The following KIF13B variants were observed in gnomAD, a reference collection of about 807,000 sequenced individuals.
The protein encoded by KIF13B is kinesin-like protein KIF13B.
KIF13B carries 127 observed loss-of-function variants against 222.0 expected under a neutral mutation model. The observed-to-expected ratio is 0.57, with a 90% CI of 0.50 to 0.66. The LOEUF is 0.66. KIF13B is among the 30% of genes least tolerant of loss of function. The probability of loss-of-function intolerance (pLI) is 0.00; values close to 1 mark genes in which losing one functional copy is unlikely to be tolerated. For synonymous variants in KIF13B, 976 were observed against 919.0 expected, an observed-to-expected ratio of 1.06 and a Z score of -1.12; for missense variants, 2,173 against 2,379.0, an observed-to-expected ratio of 0.91 and a Z score of 1.80.
intron 4 of KIF13B, chr8:29,189,877 A>C (rs1337454510): frequency 2.0e-5 from 3 of 152,246 alleles, no homozygotes; most frequent in African/African-American, 7.2e-5. Context: ...TAATTTCATC[A>C]ACGTATACCA....
intron 2 of KIF13B, among the ~76,000 whole-genome samples, chr8:29,198,189 AAAT>A (rs1382558547): frequency 6.6e-6 from 1 of 152,256 alleles, no homozygotes; most frequent in Non-Finnish European, 1.5e-5. Context: ...ACATAAAAGA[AAAT>A]AATTTCTCTG....
At chr8:29,175,731 T>C (rs1812447830) in intron 10 of KIF13B, among the ~76,000 whole-genome samples, 1 of 152,314 alleles carries the variant, frequency 6.6e-6, no homozygotes, top group South Asian at 2.1e-4. Flanking sequence ...CAGCTGAGTG[T>C]GAGGCCAGCG....
At chr8:29,174,071 A>T (rs1305147634) in intron 10 of KIF13B, among the ~76,000 whole-genome samples, 1 of 152,202 alleles carries the variant, frequency 6.6e-6, no homozygotes, top group Non-Finnish European at 1.5e-5. Context: ...CTACATTCAA[A>T]CAAATGAACG....
rs184743400 is a variant in KIF13B at position 29,184,180 on chromosome 8, A to G, written c.497+2112T>C. On this transcript the variant is annotated intron_variant, in intron 6 of 39. Coordinates refer to ENST00000524189, the MANE Select transcript of KIF13B (RefSeq NM_015254.4). ...TCTATTATCTCCTGAGTAAAACAAC[A>G]TAATTACATTACTATATACTAGATG... 1.4e-3 allele frequency among the ~76,000 whole-genome samples: 218 copies of G among 152,178 alleles called. 2 individuals carry two copies. Among genetic ancestry groups the G allele is most frequent in the African/African-American group, 4.7e-3 (197 of 41,522 alleles).
intron 2 of KIF13B, among the ~76,000 whole-genome samples, chr8:29,215,763 A>G (rs1340239923): frequency 1.3e-5 from 2 of 152,242 alleles, no homozygotes; most frequent in African/African-American, 4.8e-5. Context: ...AGCAACGGGA[A>G]TCTTTGAATG....
At chr8:29,209,030 T>C (rs577554463) in intron 2 of KIF13B, among the ~76,000 whole-genome samples, 1 of 152,326 alleles carries the variant, frequency 6.6e-6, no homozygotes, top group African/African-American at 2.4e-5. Flanking sequence ...TTAGTTTATT[T>C]CCATAGGCTG....
chr8:29,165,862 G>A (rs1166501692), intron 11 of KIF13B, 90 bp from the exon 12 acceptor site: 2 of 777,562 alleles, frequency 2.6e-6, no homozygotes, highest in African/African-American at 1.9e-5. Context: ...GTAACAATCT[G>A]CCTCCTCATG....
intron 5 of KIF13B, 149 bp from the exon 6 acceptor site, chr8:29,186,621 C>T: frequency 3.3e-6 from 2 of 604,198 alleles, no homozygotes; most frequent in Non-Finnish European, 5.6e-6. Context: ...AGTACAGAAG[C>T]TTTTTTACTG....
chr8:29,246,618 T>A (rs1265127589), intron 1 of KIF13B, among the ~76,000 whole-genome samples: 1 of 152,038 alleles, frequency 6.6e-6, no homozygotes, highest in Admixed American at 6.5e-5. Flanking sequence ...TGACAATACA[T>A]ACAGAAATGC....
In KIF13B at chr8:29,072,416, G is replaced by A. The variant is rs572636584; in HGVS notation, c.4522-100C>T. On this transcript the variant is annotated intron_variant, in intron 38 of 39. Transcript: ENST00000524189. ...GGAAAAGAGCATGAGGCCAGGGGCAGTGGCTCAGCCTGTAACCCCAGTGCT... is the reference window on the plus strand; with the variant it reads ...GGAAAAGAGCATGAGGCCAGGGGCAATGGCTCAGCCTGTAACCCCAGTGCT... 250 of 762,024 alleles carry A rather than the reference G, an allele frequency of 3.3e-4. 6 individuals are homozygous for A. The South Asian group carries it at 8.9e-3, about 27-fold the overall frequency. The allele number at this position is 762,024 out of a possible 1,614,324, so 47.2% of individuals were successfully genotyped here.
chr8:29,127,319 A>T, intron 24 of KIF13B, 51 bp from the exon 25 acceptor site: 1 of 1,567,806 alleles, frequency 6.4e-7, no homozygotes, highest in Middle Eastern at 1.7e-4. Context: ...GATTTCCAAA[A>T]ATTTGATTTA....
At chr8:29,152,197 T>C (rs1295742417) in intron 14 of KIF13B, among the ~76,000 whole-genome samples, 1 of 152,202 alleles carries the variant, frequency 6.6e-6, no homozygotes, top group Non-Finnish European at 1.5e-5. Flanking sequence ...AGTTGATTCT[T>C]ATGAATAAGC....
intron 21 of KIF13B, among the ~76,000 whole-genome samples, chr8:29,136,801 T>G (rs995741870): frequency 1.4e-5 from 2 of 144,172 alleles, no homozygotes; most frequent in Non-Finnish European, 1.5e-5. Flanking sequence ...ACAGGTTTTT[T>G]TTTTTTTTTT....
chr8:29,158,206 T>C (rs867935448), intron 13 of KIF13B, among the ~76,000 whole-genome samples: 1 of 152,192 alleles, frequency 6.6e-6, no homozygotes, highest in Non-Finnish European at 1.5e-5. Context: ...TCCTGCCCTA[T>C]TTTAACTCCT....
rs188912868 is a variant in KIF13B, at chr8:29,140,712, T to C, written c.2335-95A>G. On this transcript the variant is annotated intron_variant, in intron 19 of 39. Coordinates refer to ENST00000524189, the MANE Select transcript of KIF13B (RefSeq NM_015254.4). ...TTTGATGCACTCTAGGTTATTAAAC[T>C]TAACTTTCATCATCCTAACTCTTGT... The C allele has an allele frequency of 3.7e-4, 419 of 1,120,024 alleles. 2 individuals carry two copies. In the African/African-American group the frequency reaches 6.0e-3, roughly 16 times the overall value. The allele number at this position is 1,120,024 out of a possible 1,614,324, so 69.4% of individuals were successfully genotyped here. A position where few individuals can be genotyped will look rare whatever the true frequency, so the allele number is the denominator to read the frequency against.
intron 1 of KIF13B, among the ~76,000 whole-genome samples, chr8:29,259,196 T>C (rs556151666): frequency 2.0e-5 from 3 of 152,262 alleles, no homozygotes; most frequent in African/African-American, 4.8e-5. Context: ...ATTGAGATAC[T>C]AGATCATGAT....
intron 6 of KIF13B, among the ~76,000 whole-genome samples, chr8:29,183,147 A>C (rs1018835149): frequency 8.0e-5 from 12 of 150,918 alleles, no homozygotes; most frequent in Non-Finnish European, 1.8e-4. Flanking sequence ...AATAAGTAAT[A>C]AATTATAATC....
At position 29,115,926 on chromosome 8, in the gene KIF13B, C is replaced by A. The variant is rs558848904; in HGVS notation, c.3837+905G>T. Among the ~76,000 whole-genome samples, 17 of 152,352 alleles carry A rather than the reference C, an allele frequency of 1.1e-4. No homozygotes were observed. The South Asian group carries it at 2.9e-3, about 26-fold the overall frequency. On this transcript the variant is annotated intron_variant, in intron 31 of 39. Transcript: ENST00000524189. ...CTCTGAAGCGCCCCCACCACCCCGA[C>A]TCCCTGGGGCTGAATTCTTCCTTCT... is the stretch of plus-strand genomic sequence containing the variant.
chr8:29,129,307 T>C (rs142006021), intron 24 of KIF13B, among the ~76,000 whole-genome samples: 170 of 152,314 alleles, frequency 1.1e-3, no homozygotes, highest in African/African-American at 3.9e-3. Flanking sequence ...TCGAAGAAGA[T>C]ACATATATTT....
Sources: allele counts gnomAD v4.1 joint callset (sites outside exome capture counted in the v4.1 genomes callset), GRCh38; gene constraint gnomAD v4.1.1; transcripts MANE v1.5; gene names NCBI Gene and HGNC (gene_info 2026-07-23, HGNC 2026-07-21).